DNAJC21: variants seen among roughly 807,000 people sequenced by gnomAD.
DNAJC21 encodes the protein dnaJ homolog subfamily C member 21.
In DNAJC21, 63 loss-of-function variants were observed where a neutral mutation model predicts 72.4. The observed-to-expected ratio is 0.87, with a 90% CI of 0.71 to 1.07. The LOEUF (loss-of-function observed/expected upper bound fraction) is 1.07, where lower values mean the gene tolerates loss of function less well. DNAJC21 is among the 50% of genes least tolerant of loss of function. The probability of loss-of-function intolerance (pLI) is 0.00; values close to 1 mark genes in which losing one functional copy is unlikely to be tolerated. For missense variants in DNAJC21, 634 were observed against 644.8 expected (o/e 0.98, Z 0.18); for synonymous variants, 203 against 216.7 (o/e 0.94, Z 0.56).
intron 6 of DNAJC21, 79 bp downstream of exon 6, chr5:34,939,088 C>G: frequency 7.7e-7 from 1 of 1,296,034 alleles, no homozygotes; most frequent in Non-Finnish European, 1.0e-6. Context: ...TGACATCTCC[C>G]AATTTTTAAA....
intron 9 of DNAJC21, chr5:34,949,652 C>T: frequency 6.2e-7 from 1 of 1,613,332 alleles, no homozygotes; most frequent in East Asian, 2.2e-5. Flanking sequence ...CACAAATGTG[C>T]CAAAATGTTG....
chr5:34,950,946 T>C (rs1306090732), intron 10 of DNAJC21: 2 of 983,802 alleles, frequency 2.0e-6, no homozygotes, highest in African/African-American at 3.5e-5. Context: ...GAATCATTTC[T>C]TATTTCTTGA....
intron 3 of DNAJC21, 105 bp from the exon 4 acceptor site, chr5:34,936,039 C>T: frequency 7.3e-6 from 11 of 1,501,788 alleles, no homozygotes; most frequent in Non-Finnish European, 9.8e-6. Flanking sequence ...TGAACTTTGT[C>T]CCAAAATTCT....
At chr5:34,933,931 C>A in intron 2 of DNAJC21, 23 bp downstream of exon 2, 2 of 1,602,788 alleles carry the variant, frequency 1.2e-6, no homozygotes, top group South Asian at 2.2e-5. Context: ...CTGTCCTTCC[C>A]ATCCTAGTTT....
chr5:34,946,652 G>A lies in DNAJC21; in HGVS notation c.1185+849G>A, dbSNP rs141205478. Among the ~76,000 whole-genome samples the A allele has an allele frequency of 5.9e-5, 9 of 152,124 alleles. No individual in the cohort carries two copies. The East Asian group carries it at 1.5e-3, about 26-fold the overall frequency. On this transcript the variant is annotated intron_variant, in intron 9 of 11. Transcript: ENST00000648817. Reference sequence around the variant, plus strand: ...AACTTTTTGCTTCAGTTATAAAACCGCATAGCAAATATGTGTTCTTTTTAT... The same window carrying A: ...AACTTTTTGCTTCAGTTATAAAACCACATAGCAAATATGTGTTCTTTTTAT...
chr5:34,957,426 C>T lies in DNAJC21; in HGVS notation c.*2712C>T, dbSNP rs1349161289. 6.6e-6 allele frequency: 1 copy of T among 152,210 alleles called. No homozygotes were observed. The highest frequency in any genetic ancestry group is 1.5e-5 in the Non-Finnish European group (1 of 68,046). The allele number at this position is 152,210 out of a possible 1,614,324, so 9.4% of individuals were successfully genotyped here. A position where few individuals can be genotyped will look rare whatever the true frequency, so the allele number is the denominator to read the frequency against. Reference sequence around the variant, plus strand: ...CCTGCTTCAAAATAAGAGCAGTATCCTTAGCTCTAGCCAAGCATTTTTCTA... The same window carrying T: ...CCTGCTTCAAAATAAGAGCAGTATCTTTAGCTCTAGCCAAGCATTTTTCTA... On this transcript the variant is annotated 3_prime_UTR_variant, in exon 12 of 12. Coordinates refer to ENST00000648817, the MANE Select transcript of DNAJC21 (RefSeq NM_001012339.3).
rs1199551524 is a variant in DNAJC21 at position 34,929,573 on chromosome 5, C to CCGCCGG, written c.-245_-240dup. On this transcript the variant is annotated 5_prime_UTR_variant, in exon 1 of 12. Transcript: ENST00000648817. ...ACCCCTAGCCCATGCGAAGCGGCGG[C>CCGCCGG]CGCCGGCACCGCCCCCGCCGCGCTC... 1.3e-5 allele frequency: 2 copies of CCGCCGG among 152,444 alleles called. No individual in the cohort carries two copies. The highest frequency in any genetic ancestry group is 2.0e-4 in the East Asian group (1 of 5,122). The allele number at this position is 152,444 out of a possible 1,614,324, so 9.4% of individuals were successfully genotyped here. A position where few individuals can be genotyped will look rare whatever the true frequency, so the allele number is the denominator to read the frequency against.
In DNAJC21 at chr5:34,955,290, C is replaced by T. The variant is rs1408198742; in HGVS notation, c.*576C>T. 6.6e-6 allele frequency: 1 copy of T among 152,144 alleles called. No homozygotes were observed. Among genetic ancestry groups the T allele is most frequent in the African/African-American group, 2.4e-5 (1 of 41,428 alleles). The allele number at this position is 152,144 out of a possible 1,614,324, so 9.4% of individuals were successfully genotyped here. A position where few individuals can be genotyped will look rare whatever the true frequency, so the allele number is the denominator to read the frequency against. ...TGGTAGTCTTTCAAGAATAGTGTCT[C>T]TTCAAGGTTTTACTTGATTTAATTT... On this transcript the variant is annotated 3_prime_UTR_variant, in exon 12 of 12. Transcript: ENST00000648817.
rs755662494 is a variant in DNAJC21 at position 34,936,243 on chromosome 5, G to A, written c.415G>A (p.Asp139Asn). The change falls in exon 4 of 12, where the codon GAC (aspartate) becomes AAC (asparagine). Residue 139 changes from aspartate to asparagine, a missense_variant. Physicochemically the swap from Asp to Asn is conservative, Grantham distance 23. Transcript: ENST00000648817. ...GGTTGATGATTTCCCAACTTTTGGA[G>A]ACTCCCAGAGTGACTATGATACGGT... ...EEVDDFPTFG[D>N]SQSDYDTVVH... The A allele has an allele frequency of 5.6e-6, 9 of 1,613,574 alleles. No homozygotes were observed. In the Admixed American group the frequency reaches 1.5e-4, roughly 27 times the overall value.
chr5:34,950,998 C>T, intron 10 of DNAJC21: 1 of 985,426 alleles, frequency 1.0e-6, no homozygotes, highest in Non-Finnish European at 1.2e-6. Flanking sequence ...TCTGTCATTA[C>T]AGAACCCTGA....
chr5:34,935,689 A>T (rs376658142), intron 2 of DNAJC21, 21 bp from the exon 3 acceptor site: 24 of 1,613,492 alleles, frequency 1.5e-5, no homozygotes, highest in Non-Finnish European at 1.5e-5. Context: ...CTTCACAATG[A>T]TGCTAATTTT....
intron 7 of DNAJC21, among the ~76,000 whole-genome samples, chr5:34,942,777 A>T (rs1348203381): frequency 6.6e-6 from 1 of 152,192 alleles, no homozygotes; most frequent in Non-Finnish European, 1.5e-5. Context: ...CTTAAGAATA[A>T]GGTTATTCTC....
intron 1 of DNAJC21, among the ~76,000 whole-genome samples, chr5:34,933,581 G>A (rs763291826): frequency 4.6e-5 from 7 of 152,144 alleles, no homozygotes; most frequent in Non-Finnish European, 1.0e-4. Context: ...GCCCAGCCCA[G>A]TTGACTGTTT....
At chr5:34,931,876 G>A (rs1764608667) in intron 1 of DNAJC21, among the ~76,000 whole-genome samples, 2 of 152,186 alleles carry the variant, frequency 1.3e-5, no homozygotes, top group Admixed American at 6.5e-5. Context: ...GTGCTAGGAA[G>A]AAGCATGCAA....
At position 34,945,905 on chromosome 5, in the gene DNAJC21, A is replaced by G. The variant is rs570319365; in HGVS notation, c.1185+102A>G. On this transcript the variant is annotated intron_variant, in intron 9 of 11. Transcript: ENST00000648817. ...TGTTAAGGAGAGAAACTTATACTCCATAATTTTATGTTGATTGTAAGATTG... is the reference window on the plus strand; with the variant it reads ...TGTTAAGGAGAGAAACTTATACTCCGTAATTTTATGTTGATTGTAAGATTG... The G allele has an allele frequency of 6.1e-5, 46 of 758,164 alleles. No individual in the cohort carries two copies. The African/African-American group carries it at 8.1e-4, about 13-fold the overall frequency. 47.0% of individuals were successfully genotyped at this position (758,164 alleles called of 1,614,324 possible).
At chr5:34,951,918 G>C in intron 10 of DNAJC21, 1 of 985,484 alleles carries the variant, frequency 1.0e-6, no homozygotes, top group South Asian at 4.7e-5. Flanking sequence ...TAATTTCACT[G>C]ATGTGAGGAA....
chr5:34,944,624 T>A (rs1023516782), intron 7 of DNAJC21, among the ~76,000 whole-genome samples: 1 of 151,878 alleles, frequency 6.6e-6, no homozygotes, highest in African/African-American at 2.4e-5. Flanking sequence ...AAAGCTGTGG[T>A]ACGGAAAGAA....
At chr5:34,930,775 T>G (rs949774237) in intron 1 of DNAJC21, among the ~76,000 whole-genome samples, 1 of 152,186 alleles carries the variant, frequency 6.6e-6, no homozygotes, top group African/African-American at 2.4e-5. Flanking sequence ...CTCTACTAAG[T>G]AGATTTGGAA....
At chr5:34,930,083 G>T in intron 1 of DNAJC21, 167 bp downstream of exon 1, 1 of 464,068 alleles carries the variant, frequency 2.2e-6, no homozygotes, top group Non-Finnish European at 3.8e-6. Flanking sequence ...CCGTCTCGGT[G>T]GGCGAAGCGC....
Sources: allele counts gnomAD v4.1 joint callset (sites outside exome capture counted in the v4.1 genomes callset), GRCh38; gene constraint gnomAD v4.1.1; transcripts MANE v1.5; gene names NCBI Gene and HGNC (gene_info 2026-07-23, HGNC 2026-07-21).